SPAG16: variants seen among roughly 807,000 people sequenced by gnomAD.
SPAG16 encodes sperm associated antigen 16.
A neutral mutation model predicts 80.4 loss-of-function variants in SPAG16; 86 were observed. The observed-to-expected ratio is 1.07, with a 90% CI of 0.90 to 1.28. The LOEUF (loss-of-function observed/expected upper bound fraction) is 1.28. Ranked by LOEUF, SPAG16 falls within the 50% of genes most tolerant of loss-of-function variation. SPAG16 has a pLI of 0.00. For synonymous variants in SPAG16, 294 were observed against 265.9 expected, an observed-to-expected ratio of 1.11 and a Z score of -1.03; for missense variants, 870 against 765.3, an observed-to-expected ratio of 1.14 and a Z score of -1.61.
chr2:213,448,277 A>G (rs1030599511), intron 9 of SPAG16, among the ~76,000 whole-genome samples: 5 of 152,246 alleles, frequency 3.3e-5, no homozygotes, highest in African/African-American at 4.8e-5. Flanking sequence ...TTCATGAGAA[A>G]TGGTCAAAGG....
chr2:213,617,524 T>G (rs539034406), intron 10 of SPAG16, among the ~76,000 whole-genome samples: 2 of 152,312 alleles, frequency 1.3e-5, no homozygotes, highest in South Asian at 4.1e-4. Flanking sequence ...GTATTTTTAG[T>G]AGAGGCCAGG....
At chr2:213,761,751 A>C (rs866137121) in intron 10 of SPAG16, among the ~76,000 whole-genome samples, 6 of 152,176 alleles carry the variant, frequency 3.9e-5, no homozygotes, top group South Asian at 4.1e-4. Flanking sequence ...CTGTAGTCCC[A>C]GTTACTCAGG....
At chr2:214,168,475 CTG>C (rs1244161090) in intron 15 of SPAG16, among the ~76,000 whole-genome samples, 1 of 152,032 alleles carries the variant, frequency 6.6e-6, no homozygotes, top group Non-Finnish European at 1.5e-5. Context: ...CTTTCTGTCT[CTG>C]TCTCACACAT....
intron 10 of SPAG16, among the ~76,000 whole-genome samples, chr2:213,633,297 G>A (rs1007098087): frequency 1.3e-5 from 2 of 152,100 alleles, no homozygotes; most frequent in Non-Finnish European, 2.9e-5. Flanking sequence ...TTGAATTTCT[G>A]CAGTATCAGT....
At chr2:214,357,173 T>C (rs1348860982) in intron 15 of SPAG16, among the ~76,000 whole-genome samples, 2 of 151,874 alleles carry the variant, frequency 1.3e-5, no homozygotes, top group African/African-American at 2.4e-5. Flanking sequence ...CTTTGTATCT[T>C]TGGTTCTCTG....
chr2:214,319,532 TAATG>T (rs906462271), intron 15 of SPAG16, among the ~76,000 whole-genome samples: 46 of 151,394 alleles, frequency 3.0e-4, no homozygotes, highest in African/African-American at 1.1e-3. Context: ...TAATAGGAAT[TAATG>T]AAGGACTATC....
At chr2:213,321,381 A>G (rs1374314221) in intron 5 of SPAG16, among the ~76,000 whole-genome samples, 1 of 152,022 alleles carries the variant, frequency 6.6e-6, no homozygotes, top group Non-Finnish European at 1.5e-5. Flanking sequence ...TTTCTTATTA[A>G]CCTGGGAATT....
At chr2:213,338,143 A>G (rs1279984318) in intron 5 of SPAG16, among the ~76,000 whole-genome samples, 1 of 152,186 alleles carries the variant, frequency 6.6e-6, no homozygotes, top group African/African-American at 2.4e-5. Flanking sequence ...GAGAAATAAA[A>G]TCTTTTTCAG....
At chr2:213,947,065 T>C in intron 12 of SPAG16, among the ~76,000 whole-genome samples, 1 of 152,182 alleles carries the variant, frequency 6.6e-6, no homozygotes, top group East Asian at 1.9e-4. Context: ...TAGTCTATTG[T>C]ATATAAACAT....
intron 15 of SPAG16, among the ~76,000 whole-genome samples, chr2:214,203,920 G>T (rs2058076650): frequency 6.6e-6 from 1 of 152,160 alleles, no homozygotes; most frequent in South Asian, 2.1e-4. Context: ...CAGCCGGGAG[G>T]CTGGTTGTTG....
At chr2:213,936,784 G>T (rs1156421521) in intron 12 of SPAG16, among the ~76,000 whole-genome samples, 1 of 152,128 alleles carries the variant, frequency 6.6e-6, no homozygotes, top group Non-Finnish European at 1.5e-5. Context: ...ACAGAATGAG[G>T]AATGCCTTCT....
At chr2:213,800,281 C>A (rs1048340913) in intron 10 of SPAG16, among the ~76,000 whole-genome samples, 1 of 151,852 alleles carries the variant, frequency 6.6e-6, no homozygotes, top group African/African-American at 2.4e-5. Flanking sequence ...TTTCCTTCAT[C>A]TTGTCTCCCT....
chr2:213,963,762 A>G (rs1455238874), intron 12 of SPAG16, among the ~76,000 whole-genome samples: 4 of 152,042 alleles, frequency 2.6e-5, no homozygotes, highest in Admixed American at 2.6e-4. Flanking sequence ...CCCTTTTACC[A>G]TTTTAGGACA....
At chr2:214,064,870 G>C (rs966400095) in intron 13 of SPAG16, among the ~76,000 whole-genome samples, 23 of 151,978 alleles carry the variant, frequency 1.5e-4, no homozygotes, top group African/African-American at 5.6e-4. Context: ...GACCAAAAAA[G>C]AGGGTCTATT....
intron 15 of SPAG16, among the ~76,000 whole-genome samples, chr2:214,156,928 G>A (rs1484043873): frequency 1.3e-5 from 2 of 152,180 alleles, no homozygotes; most frequent in Non-Finnish European, 2.9e-5. Flanking sequence ...ACCACATCTG[G>A]ACACAGAGCT....
At chr2:214,341,688 T>A (rs190590678) in intron 15 of SPAG16, among the ~76,000 whole-genome samples, 2 of 152,310 alleles carry the variant, frequency 1.3e-5, no homozygotes, top group East Asian at 1.9e-4. Flanking sequence ...AGCCAACTTA[T>A]CAACCCTGAA....
intron 15 of SPAG16, among the ~76,000 whole-genome samples, chr2:214,380,590 GTTTAA>G (rs1326159177): frequency 5.9e-5 from 9 of 152,130 alleles, no homozygotes; most frequent in South Asian, 2.1e-4. Context: ...CATGTATGTT[GTTTAA>G]TTTATTTCTA....
intron 5 of SPAG16, among the ~76,000 whole-genome samples, chr2:213,318,892 A>G (rs2126141050): frequency 6.6e-6 from 1 of 152,102 alleles, no homozygotes; most frequent in East Asian, 1.9e-4. Context: ...TACTGAAAGG[A>G]AACCTTTGTT....
chr2:214,130,276 T>A (rs2054700706), intron 14 of SPAG16, among the ~76,000 whole-genome samples: 1 of 152,158 alleles, frequency 6.6e-6, no homozygotes, highest in East Asian at 1.9e-4. Context: ...TTTGGATTAA[T>A]CACAGAAAGG....
Sources: allele counts gnomAD v4.1 joint callset (sites outside exome capture counted in the v4.1 genomes callset), GRCh38; gene constraint gnomAD v4.1.1; transcripts MANE v1.5; gene names NCBI Gene and HGNC (gene_info 2026-07-23, HGNC 2026-07-21).